The following KCNMA1 variants were observed in gnomAD, a reference collection of about 807,000 sequenced individuals.
KCNMA1 encodes the protein Calcium-activated potassium channel subunit alpha-1.
In KCNMA1, 29 loss-of-function variants were observed where a neutral mutation model predicts 140.0. The observed-to-expected ratio is 0.21, with a 90% CI of 0.15 to 0.28. The LOEUF is 0.28. Among genes scored for constraint, KCNMA1 ranks in the 10% least tolerant of loss-of-function variants. The pLI, the probability that KCNMA1 is intolerant of heterozygous loss-of-function variation, is 1.00. For synonymous variants in KCNMA1, 612 were observed against 611.9 expected, an observed-to-expected ratio of 1.00 and a Z score of 0.00; for missense variants, 880 against 1,602.2, an observed-to-expected ratio of 0.55 and a Z score of 7.70.
chr10:77,349,700 C>G (rs1479040432), intron 2 of KCNMA1, among the ~76,000 whole-genome samples: 1 of 152,120 alleles, frequency 6.6e-6, no homozygotes, highest in African/African-American at 2.4e-5. Flanking sequence ...GCTTTGGTTT[C>G]TTTGATTTCA....
At chr10:77,073,641 C>T (rs1218818658) in intron 13 of KCNMA1, among the ~76,000 whole-genome samples, 1 of 152,154 alleles carries the variant, frequency 6.6e-6, no homozygotes, top group Non-Finnish European at 1.5e-5. Flanking sequence ...TTTTTACCTG[C>T]CTTTCCAATA....
Position 77,030,956 on chromosome 10 carries a change from T to C in KCNMA1, c.1860-3065A>G, listed in dbSNP as rs562846278. Among the ~76,000 whole-genome samples the C allele has an allele frequency of 3.3e-5, 5 of 152,314 alleles. No individual in the cohort carries two copies. In the South Asian group the frequency reaches 6.2e-4, roughly 19 times the overall value. The stretch of plus-strand genomic sequence containing the variant: ...TAGAATGATGTGAACAGAGAGAACA[T>C]AGGCAAGCCGTGCCACAACACAGAT... On this transcript the variant is annotated intron_variant, in intron 15 of 27. Coordinates refer to ENST00000286628, the MANE Select transcript of KCNMA1 (RefSeq NM_001161352.2).
chr10:76,874,603 C>CT, downstream of KCNMA1: 1 of 152,310 alleles, frequency 6.6e-6, no homozygotes, highest in Admixed American at 6.5e-5. Flanking sequence ...TCCCAAATTT[C>CT]TTATGCTTTT....
intron 1 of KCNMA1, among the ~76,000 whole-genome samples, chr10:77,596,497 C>T (rs1467912535): frequency 6.6e-6 from 1 of 152,208 alleles, no homozygotes; most frequent in Non-Finnish European, 1.5e-5. Context: ...CCAAAGTTTA[C>T]ACGATCCTGC....
chr10:76,880,174 G>A (rs78961106), downstream of KCNMA1, among the ~76,000 whole-genome samples: 2 of 152,302 alleles, frequency 1.3e-5, no homozygotes, highest in East Asian at 3.9e-4. Context: ...TCGGAATTTA[G>A]TCTTTACAGT....
At chr10:76,908,371 C>T (rs559521977) in intron 25 of KCNMA1, among the ~76,000 whole-genome samples, 2 of 152,324 alleles carry the variant, frequency 1.3e-5, no homozygotes, top group African/African-American at 4.8e-5. Flanking sequence ...CATTTTATCT[C>T]CTTGTTGGCT....
At chr10:77,231,906 T>A (rs2053737110) in intron 3 of KCNMA1, among the ~76,000 whole-genome samples, 1 of 152,256 alleles carries the variant, frequency 6.6e-6, no homozygotes. Context: ...TTTCATCACC[T>A]CAAAAAGAAG....
intron 23 of KCNMA1, among the ~76,000 whole-genome samples, chr10:76,918,610 G>A (rs982400784): frequency 4.6e-5 from 7 of 152,136 alleles, no homozygotes; most frequent in African/African-American, 7.2e-5. Context: ...CATGGATGCG[G>A]TGAACAGAGA....
At chr10:77,447,511 TG>T (rs1358875935) in intron 1 of KCNMA1, among the ~76,000 whole-genome samples, 1 of 152,214 alleles carries the variant, frequency 6.6e-6, no homozygotes, top group African/African-American at 2.4e-5. Flanking sequence ...ACGGAGCTCT[TG>T]CAGAGCCTGC....
At position 76,925,933 on chromosome 10, in the gene KCNMA1, C is replaced by A. The variant is rs1401697828; in HGVS notation, c.2903-10884G>T. ...AATCGCATCAACAACTTTCAGCCAG[C>A]TATCTCTGAATGGTTCTAGAGACAA... is the stretch of plus-strand genomic sequence containing the variant. On this transcript the variant is annotated intron_variant, in intron 23 of 27. Transcript: ENST00000286628. Among the ~76,000 whole-genome samples, 3 of 152,246 alleles carry A rather than the reference C, an allele frequency of 2.0e-5. No homozygotes were observed. In the East Asian group the frequency reaches 5.8e-4, roughly 29 times the overall value.
intron 5 of KCNMA1, among the ~76,000 whole-genome samples, chr10:77,130,088 A>G (rs1280508058): frequency 3.8e-4 from 58 of 152,172 alleles, no homozygotes; most frequent in Non-Finnish European, 2.9e-5. Flanking sequence ...ATAAACATAA[A>G]CTGAGGACCA....
intron 1 of KCNMA1, among the ~76,000 whole-genome samples, chr10:77,440,634 T>C (rs2097374763): frequency 6.6e-6 from 1 of 152,092 alleles, no homozygotes; most frequent in African/African-American, 2.4e-5. Context: ...CAAATGAAAG[T>C]GTTCAGACAA....
At chr10:77,407,587 G>A (rs370784526) in intron 1 of KCNMA1, among the ~76,000 whole-genome samples, 1 of 152,324 alleles carries the variant, frequency 6.6e-6, no homozygotes, top group East Asian at 1.9e-4. Flanking sequence ...CTCAGAAAAA[G>A]GCACAGAGCC....
intron 17 of KCNMA1, among the ~76,000 whole-genome samples, chr10:77,014,226 G>T (rs1049843443): frequency 6.6e-6 from 1 of 152,142 alleles, no homozygotes; most frequent in Non-Finnish European, 1.5e-5. Context: ...AGGAGTTTGA[G>T]ACCAGCCTGG....
At chr10:77,486,599 C>A (rs1485046326) in intron 1 of KCNMA1, among the ~76,000 whole-genome samples, 1 of 152,206 alleles carries the variant, frequency 6.6e-6, no homozygotes, top group Non-Finnish European at 1.5e-5. Flanking sequence ...GAACAGTGAG[C>A]TCTCCATGAG....
At chr10:77,265,389 T>A (rs576638594) in intron 2 of KCNMA1, among the ~76,000 whole-genome samples, 4 of 152,202 alleles carry the variant, frequency 2.6e-5, no homozygotes, top group Non-Finnish European at 2.9e-5. Context: ...GTGATGCTGA[T>A]GCTGCTGGTT....
intron 19 of KCNMA1, among the ~76,000 whole-genome samples, chr10:76,976,296 T>C (rs2077495353): frequency 6.6e-6 from 1 of 152,134 alleles, no homozygotes; most frequent in Non-Finnish European, 1.5e-5. Flanking sequence ...AGGGAGACTT[T>C]AAGGAACAAT....
chr10:77,516,650 G>A (rs1416537736), intron 1 of KCNMA1, among the ~76,000 whole-genome samples: 1 of 152,256 alleles, frequency 6.6e-6, no homozygotes, highest in Non-Finnish European at 1.5e-5. Context: ...AGAGGCAGCT[G>A]GACCTCTGCC....
chr10:76,935,595 G>C (rs1030193698), intron 23 of KCNMA1, among the ~76,000 whole-genome samples: 25 of 152,234 alleles, frequency 1.6e-4, no homozygotes, highest in African/African-American at 4.8e-4. Flanking sequence ...ATAGGAATGT[G>C]TCTGGTGTAT....
Sources: allele counts gnomAD v4.1 joint callset (sites outside exome capture counted in the v4.1 genomes callset), GRCh38; gene constraint gnomAD v4.1.1; transcripts MANE v1.5; gene names NCBI Gene and HGNC (gene_info 2026-07-23, HGNC 2026-07-21).